ARHGAP10: variants seen among roughly 807,000 people sequenced by gnomAD.
ARHGAP10 encodes Rho GTPase activating protein 10.
Under a neutral mutation model 108.6 loss-of-function variants are expected in ARHGAP10, and 87 were observed. The observed-to-expected ratio is 0.80, with a 90% CI of 0.67 to 0.96. The LOEUF is 0.96. Among genes scored for constraint, ARHGAP10 ranks in the 40% least tolerant of loss-of-function variants. ARHGAP10 has a pLI of 0.00. For synonymous variants in ARHGAP10, 347 were observed against 341.1 expected, an observed-to-expected ratio of 1.02 and a Z score of -0.19; for missense variants, 939 against 954.5, an observed-to-expected ratio of 0.98 and a Z score of 0.21.
chr4:147,925,431 T>TC (rs112860150), intron 13 of ARHGAP10, among the ~76,000 whole-genome samples: 19,999 of 152,112 alleles, frequency 0.13, 2,840 homozygotes, highest in African/African-American at 0.34. Context: ...GAGTCTCTTT[T>TC]TGATTTATTG....
chr4:147,965,217 G>T lies in ARHGAP10; in HGVS notation c.1556+88G>T, dbSNP rs537506662. ...GGGATTTGTGACGGGTGGAACTGGG[G>T]ACCACACCTGGAAGGGCAGGCTGAA... On this transcript the variant is annotated intron_variant, in intron 17 of 22. Transcript: ENST00000336498. 66 of 899,810 alleles carry T rather than the reference G, an allele frequency of 7.3e-5. No homozygotes were observed. In the South Asian group the frequency reaches 1.4e-3, roughly 19 times the overall value. 55.7% of individuals were successfully genotyped at this position (899,810 alleles called of 1,614,324 possible).
chr4:147,923,987 C>G (rs1737349669), intron 13 of ARHGAP10, among the ~76,000 whole-genome samples: 1 of 152,166 alleles, frequency 6.6e-6, no homozygotes, highest in African/African-American at 2.4e-5. Context: ...TTCTCTCTGT[C>G]TCTGTTTTAA....
At position 147,968,498 on chromosome 4, in the gene ARHGAP10, T is replaced by C. The variant is rs1739286088; in HGVS notation, c.1716+1659T>C. ...ATAAATCCTTCTTTCCCCTTAATTG[T>C]TCTAACAGTTTCAGTGGGCTCACCT... On this transcript the variant is annotated intron_variant, in intron 18 of 22. Transcript: ENST00000336498. 1.3e-5 allele frequency among the ~76,000 whole-genome samples: 2 copies of C among 152,236 alleles called. 1 individual carries two copies. The highest frequency in any genetic ancestry group is 4.1e-4 in the South Asian group (2 of 4,826).
intron 18 of ARHGAP10, among the ~76,000 whole-genome samples, chr4:148,002,541 C>G (rs1740763276): frequency 6.6e-6 from 1 of 152,120 alleles, no homozygotes; most frequent in Non-Finnish European, 1.5e-5. Context: ...TCCATCTGGT[C>G]CTGGACTTTT....
intron 19 of ARHGAP10, among the ~76,000 whole-genome samples, chr4:148,023,993 C>T (rs28558145): frequency 0.1 from 15,528 of 152,246 alleles, 1,044 homozygotes; most frequent in African/African-American, 0.19. Flanking sequence ...CCATGCTGTT[C>T]AGCTAATCGT....
At chr4:148,013,605 G>C (rs565827627) in intron 18 of ARHGAP10, among the ~76,000 whole-genome samples, 2 of 152,030 alleles carry the variant, frequency 1.3e-5, no homozygotes, top group African/African-American at 4.8e-5. Flanking sequence ...GGAGAATGGC[G>C]TGAACCCGGG....
At chr4:147,948,965 C>CA (rs571158588) in intron 15 of ARHGAP10, among the ~76,000 whole-genome samples, 1,964 of 87,350 alleles carry the variant, frequency 0.022, 21 homozygotes, top group East Asian at 0.058. Flanking sequence ...GACTCTGTCT[C>CA]AAAAAAAAAA....
Position 147,742,034 on chromosome 4 carries a change from C to T in ARHGAP10, c.154+9579C>T, listed in dbSNP as rs542623207. Among the ~76,000 whole-genome samples the T allele has an allele frequency of 5.3e-4, 80 of 151,808 alleles. 1 individual carries two copies. The highest frequency in any genetic ancestry group is 1.8e-3 in the African/African-American group (75 of 41,362). ...TCTCCTGACTTGTTGACTTGTTTACCCACAGGCATCTTCTACCCTCACTCT... is the reference window on the plus strand; with the variant it reads ...TCTCCTGACTTGTTGACTTGTTTACTCACAGGCATCTTCTACCCTCACTCT... On this transcript the variant is annotated intron_variant, in intron 1 of 22. Coordinates refer to ENST00000336498, the MANE Select transcript of ARHGAP10 (RefSeq NM_024605.4).
intron 16 of ARHGAP10, 33 bp from the exon 17 acceptor site, chr4:147,964,990 AT>A (rs1739150500): frequency 4.2e-6 from 6 of 1,421,880 alleles, no homozygotes; most frequent in African/African-American, 1.5e-5. Flanking sequence ...CTTTTTCTTT[AT>A]TTTTTTCTTT....
chr4:147,897,051 T>C (rs1015757416), intron 10 of ARHGAP10, among the ~76,000 whole-genome samples: 13 of 152,058 alleles, frequency 8.5e-5, no homozygotes, highest in African/African-American at 2.9e-4. Flanking sequence ...CTAATAATTA[T>C]CTTAAACTCT....
chr4:147,860,473 A>C (rs915225614), intron 5 of ARHGAP10, among the ~76,000 whole-genome samples: 1 of 152,040 alleles, frequency 6.6e-6, no homozygotes, highest in Non-Finnish European at 1.5e-5. Context: ...AACAAAAAAA[A>C]CCAGGAGAAA....
chr4:147,854,853 T>C, intron 4 of ARHGAP10: 1 of 985,402 alleles, frequency 1.0e-6, no homozygotes, highest in Non-Finnish European at 1.2e-6. Context: ...GTGGGTGTGA[T>C]GTTGTTATTG....
intron 18 of ARHGAP10, among the ~76,000 whole-genome samples, chr4:148,020,572 G>A (rs988266896): frequency 1.3e-5 from 2 of 148,964 alleles, no homozygotes; most frequent in Non-Finnish European, 2.9e-5. Context: ...CTGCATTAGT[G>A]TGCTGAGGAT....
At chr4:147,773,631 A>T (rs1392982058) in intron 1 of ARHGAP10, among the ~76,000 whole-genome samples, 4 of 152,214 alleles carry the variant, frequency 2.6e-5, no homozygotes. Context: ...ATAAGGATTT[A>T]AAAACAGTTA....
At chr4:147,965,866 A>G (rs982881141) in intron 17 of ARHGAP10, among the ~76,000 whole-genome samples, 6 of 152,244 alleles carry the variant, frequency 3.9e-5, no homozygotes, top group Non-Finnish European at 8.8e-5. Context: ...CAGATTACAA[A>G]TAAAAATATA....
intron 1 of ARHGAP10, among the ~76,000 whole-genome samples, chr4:147,784,885 T>C: frequency 8.3e-6 from 1 of 119,938 alleles, no homozygotes; most frequent in East Asian, 2.2e-4. Flanking sequence ...ATTATAAATA[T>C]ATTATAAAAT....
At chr4:148,031,205 CTG>C (rs1282873689) in intron 19 of ARHGAP10, among the ~76,000 whole-genome samples, 2 of 152,136 alleles carry the variant, frequency 1.3e-5, no homozygotes, top group Non-Finnish European at 2.9e-5. Flanking sequence ...TTATTTAAGT[CTG>C]TTTATTATCT....
intron 1 of ARHGAP10, among the ~76,000 whole-genome samples, chr4:147,741,160 A>C (rs1265888830): frequency 6.6e-6 from 1 of 152,186 alleles, no homozygotes; most frequent in Non-Finnish European, 1.5e-5. Flanking sequence ...TGTACCTTCT[A>C]CCTATGCATT....
chr4:147,803,616 C>G (rs1295065579), intron 1 of ARHGAP10, among the ~76,000 whole-genome samples: 1 of 152,228 alleles, frequency 6.6e-6, no homozygotes. Context: ...CTGGTAACCA[C>G]CATTCTTCTC....
Sources: allele counts gnomAD v4.1 joint callset (sites outside exome capture counted in the v4.1 genomes callset), GRCh38; gene constraint gnomAD v4.1.1; transcripts MANE v1.5; gene names NCBI Gene and HGNC (gene_info 2026-07-23, HGNC 2026-07-21).